The following PRELID2 variants were observed in gnomAD, a reference collection of about 807,000 sequenced individuals.
The protein encoded by PRELID2 is PRELI domain-containing protein 2.
A neutral mutation model predicts 28.4 loss-of-function variants in PRELID2; 25 were observed. That is an observed-to-expected ratio of 0.88 (90% CI 0.64 to 1.23). PRELID2 has a LOEUF of 1.23. PRELID2 is among the 50% of genes most tolerant of loss of function. The pLI is 0.00. For synonymous variants in PRELID2, 76 were observed against 71.6 expected, an observed-to-expected ratio of 1.06 and a Z score of -0.31; for missense variants, 201 against 214.4, an observed-to-expected ratio of 0.94 and a Z score of 0.39.
intron 1 of PRELID2, among the ~76,000 whole-genome samples, chr5:145,566,326 A>T (rs1353719902): frequency 6.6e-6 from 1 of 151,922 alleles, no homozygotes; most frequent in Non-Finnish European, 1.5e-5. Flanking sequence ...CCACACATCC[A>T]CTCTTCCAAC....
At chr5:145,512,343 G>A (rs1752469083) in intron 1 of PRELID2, among the ~76,000 whole-genome samples, 2 of 152,236 alleles carry the variant, frequency 1.3e-5, no homozygotes, top group Admixed American at 6.5e-5. Context: ...CTTGGGAAGT[G>A]CGCGGTTTTC....
the PRELID2 span, among the ~76,000 whole-genome samples, chr5:145,323,157 G>A: frequency 6.6e-6 from 1 of 151,880 alleles, no homozygotes; most frequent in South Asian, 2.1e-4. Context: ...AAACTAATGG[G>A]GAAGACAGCA....
chr5:145,795,543 G>C (rs1476786445), intron 5 of PRELID2: 2 of 152,114 alleles, frequency 1.3e-5, no homozygotes, highest in African/African-American at 4.8e-5. Context: ...CCATTGCCAG[G>C]AAGTCTCTGA....
chr5:145,262,629 G>C, the PRELID2 span, among the ~76,000 whole-genome samples: 1 of 152,022 alleles, frequency 6.6e-6, no homozygotes, highest in Non-Finnish European at 1.5e-5. Flanking sequence ...TTTCCAGACA[G>C]ACATATGCTG....
intron 1 of PRELID2, among the ~76,000 whole-genome samples, chr5:145,673,807 T>A (rs1754759502): frequency 6.6e-6 from 1 of 152,052 alleles, no homozygotes; most frequent in African/African-American, 2.4e-5. Context: ...ACAAGGACAA[T>A]AACTATTATT....
At chr5:145,698,963 G>A (rs71594515) in intron 1 of PRELID2, among the ~76,000 whole-genome samples, 4 of 152,244 alleles carry the variant, frequency 2.6e-5, no homozygotes, top group Non-Finnish European at 5.9e-5. Context: ...CTGACCTCAG[G>A]TGATCCACCC....
rs113928364 is a variant in PRELID2 at position 145,518,450 on chromosome 5, G to A, written n.71-45135C>T. Among the ~76,000 whole-genome samples, 6 of 152,106 alleles carry A rather than the reference G, an allele frequency of 3.9e-5. 1 individual carries two copies. The highest frequency in any genetic ancestry group is 1.2e-4 in the African/African-American group (5 of 41,498). ...CCTGACCTCGTGATCCTCCCACCTC[G>A]GCCTCCCAAAGGGCTGGGATTACAG... On this transcript the variant is annotated intron_variant and non_coding_transcript_variant, in intron 1 of 2. Transcript: ENST00000510259.
intron 1 of PRELID2, among the ~76,000 whole-genome samples, chr5:145,566,093 A>G (rs1752965196): frequency 6.6e-6 from 1 of 152,182 alleles, no homozygotes; most frequent in Non-Finnish European, 1.5e-5. Flanking sequence ...GGCAATAATA[A>G]TAATGGACTT....
intron 1 of PRELID2, among the ~76,000 whole-genome samples, chr5:145,749,999 T>C (rs968189571): frequency 6.6e-6 from 1 of 151,456 alleles, no homozygotes; most frequent in Admixed American, 6.6e-5. Flanking sequence ...CTTAAGAGGA[T>C]GGGTTGATAC....
intron 1 of PRELID2, among the ~76,000 whole-genome samples, chr5:145,624,558 T>G (rs1462123258): frequency 2.0e-5 from 3 of 152,190 alleles, no homozygotes; most frequent in Non-Finnish European, 4.4e-5. Flanking sequence ...AAACTGAAAC[T>G]ATGTATCTTT....
chr5:145,488,039 G>T (rs1398948335), intron 1 of PRELID2, among the ~76,000 whole-genome samples: 1 of 145,132 alleles, frequency 6.9e-6, no homozygotes, highest in African/African-American at 2.5e-5. Context: ...CAGGAGAATC[G>T]CTTGAACCCG....
At chr5:145,478,040 T>A (rs1752119497) in intron 1 of PRELID2, among the ~76,000 whole-genome samples, 1 of 152,144 alleles carries the variant, frequency 6.6e-6, no homozygotes, top group African/African-American at 2.4e-5. Flanking sequence ...CTTTGTCTAA[T>A]TAAATGGGTT....
the PRELID2 span, among the ~76,000 whole-genome samples, chr5:145,255,940 T>C: frequency 3.3e-5 from 5 of 151,586 alleles, no homozygotes; most frequent in African/African-American, 1.2e-4. Flanking sequence ...AAAAAAGAAA[T>C]AGAGATAACG....
chr5:145,634,526 C>A (rs1753974718), intron 1 of PRELID2, among the ~76,000 whole-genome samples: 1 of 152,142 alleles, frequency 6.6e-6, no homozygotes, highest in Admixed American at 6.5e-5. Context: ...TCCCTCTATT[C>A]TTTTCACCTG....
At chr5:145,297,002 G>T in the PRELID2 span, among the ~76,000 whole-genome samples, 1 of 152,106 alleles carries the variant, frequency 6.6e-6, no homozygotes, top group East Asian at 1.9e-4. Context: ...TTTGAGAAGT[G>T]TCTGTTCATG....
chr5:145,336,877 C>G, the PRELID2 span, among the ~76,000 whole-genome samples: 453 of 148,090 alleles, frequency 3.1e-3, 2 homozygotes, highest in African/African-American at 0.011. Flanking sequence ...AAACCAAACA[C>G]CGCATATTCT....
chr5:145,747,238 T>A (rs1581134458), intron 1 of PRELID2, among the ~76,000 whole-genome samples: 1 of 143,332 alleles, frequency 7.0e-6, no homozygotes, highest in Non-Finnish European at 1.5e-5. Context: ...AAAAAATCGA[T>A]GACTCCAGGA....
chr5:145,293,321 A>G, the PRELID2 span, among the ~76,000 whole-genome samples: 6 of 152,334 alleles, frequency 3.9e-5, no homozygotes, highest in East Asian at 9.6e-4. Flanking sequence ...TCTCATAACA[A>G]TAATTTTAAT....
the PRELID2 span, among the ~76,000 whole-genome samples, chr5:145,424,255 G>A: frequency 2.0e-5 from 3 of 152,180 alleles, no homozygotes; most frequent in African/African-American, 7.2e-5. Context: ...GAGCTGTGGT[G>A]GGCTCCACCC....
Sources: gnomAD v4.1 joint callset for allele counts (sites outside exome capture counted in the v4.1 genomes callset) on GRCh38, gnomAD v4.1.1 for gene constraint, MANE v1.5 for transcripts, NCBI Gene and HGNC (gene_info 2026-07-23, HGNC 2026-07-21) for gene names.